The following MGRN1 variants were observed in gnomAD, a reference collection of about 807,000 sequenced individuals.
MGRN1 encodes E3 ubiquitin-protein ligase MGRN1.
A neutral mutation model predicts 69.2 loss-of-function variants in MGRN1; 29 were observed. That is an observed-to-expected ratio of 0.42 (90% confidence interval 0.31 to 0.57). The LOEUF (loss-of-function observed/expected upper bound fraction) is 0.57, where lower values mean the gene tolerates loss of function less well. Ranked by LOEUF, MGRN1 falls within the 20% of genes least tolerant of loss-of-function variation. The probability of loss-of-function intolerance (pLI) is 0.15; values close to 1 mark genes in which losing one functional copy is unlikely to be tolerated. For synonymous variants in MGRN1, 470 were observed against 344.2 expected (o/e 1.37, Z -4.04); for missense variants, 998 against 796.2 (o/e 1.25, Z -3.05).
chr16:4,661,030 G>A (rs1352383379), intron 5 of MGRN1, among the ~76,000 whole-genome samples: 1 of 152,124 alleles, frequency 6.6e-6, no homozygotes, highest in African/African-American at 2.4e-5. Flanking sequence ...CTCCCAGGCT[G>A]GAGTGCAGTG....
chr16:4,626,920 G>T (rs1164164187), intron 1 of MGRN1, among the ~76,000 whole-genome samples: 1 of 152,212 alleles, frequency 6.6e-6, no homozygotes, highest in Non-Finnish European at 1.5e-5. Flanking sequence ...CCAGTCCACA[G>T]GTCCTCTCCA....
intron 4 of MGRN1, among the ~76,000 whole-genome samples, chr16:4,656,526 G>A (rs2078541884): frequency 6.6e-6 from 1 of 152,246 alleles, no homozygotes; most frequent in Admixed American, 6.5e-5. Flanking sequence ...CTGGGAGCAG[G>A]CGTGAGGGTT....
At position 4,681,685 on chromosome 16, in the gene MGRN1, C is replaced by G. The variant is rs1212193279; in HGVS notation, c.1267C>G (p.Leu423Val). 1 of 1,613,460 alleles carries G rather than the reference C, an allele frequency of 6.2e-7. No homozygotes were observed. The highest frequency in any genetic ancestry group is 8.5e-7 in the Non-Finnish European group (1 of 1,180,012). The change falls in exon 13 of 17, where the codon CTG becomes GTG. Residue 423 changes from leucine to valine, a missense_variant. Transcript: ENST00000262370. ...EITYSGISDGLSQASCPLAAI... is the reference protein window; with the variant it reads ...EITYSGISDGVSQASCPLAAI... ...CACCTATTCAGGCATCTCGGACGGCCTGTCCCAGGCCAGCTGTCCCCTCGC... is the reference window on the plus strand; with the variant it reads ...CACCTATTCAGGCATCTCGGACGGCGTGTCCCAGGCCAGCTGTCCCCTCGC...
At chr16:4,650,196 G>C (rs549644628) in intron 1 of MGRN1, 169 bp from the exon 2 acceptor site, 9 of 530,650 alleles carry the variant, frequency 1.7e-5, no homozygotes, top group East Asian at 1.0e-4. Context: ...CCAGCTACTC[G>C]GGAGGCTGAG....
chr16:4,680,128 T>C (rs2079145793), intron 12 of MGRN1, 31 bp downstream of exon 12: 15 of 1,608,270 alleles, frequency 9.3e-6, no homozygotes, highest in Admixed American at 1.7e-5. Flanking sequence ...CTACGTTTTT[T>C]TGCCCCCGCC....
chr16:4,628,803 C>A (rs1197818256), intron 1 of MGRN1, among the ~76,000 whole-genome samples: 3 of 152,052 alleles, frequency 2.0e-5, no homozygotes, highest in African/African-American at 7.2e-5. Context: ...CCTTGGCCTC[C>A]CAAAGTGCTA....
chr16:4,657,198 G>A, intron 4 of MGRN1, 48 bp from the exon 5 acceptor site: 2 of 1,555,182 alleles, frequency 1.3e-6, no homozygotes, highest in Non-Finnish European at 1.8e-6. Context: ...GGGCACGGAG[G>A]GCCCTCTTCC....
intron 9 of MGRN1, among the ~76,000 whole-genome samples, chr16:4,673,070 C>T (rs1414027626): frequency 3.3e-5 from 5 of 152,076 alleles, no homozygotes; most frequent in African/African-American, 9.7e-5. Context: ...GATCTCCTGA[C>T]CTCGTGATCT....
intron 4 of MGRN1, 38 bp downstream of exon 4, chr16:4,652,862 G>T: frequency 6.4e-7 from 1 of 1,559,262 alleles, no homozygotes; most frequent in East Asian, 2.3e-5. Flanking sequence ...CCTGGCTGGG[G>T]GCCCCAGACT....
At chr16:4,645,793 C>T (rs984101562) in intron 1 of MGRN1, among the ~76,000 whole-genome samples, 3 of 152,124 alleles carry the variant, frequency 2.0e-5, no homozygotes, top group African/African-American at 4.8e-5. Flanking sequence ...GGACCTGCCC[C>T]AGTGTGGCTG....
In MGRN1 at chr16:4,671,359, G is replaced by A. The variant is rs562806785; in HGVS notation, c.727-32G>A. The A allele has an allele frequency of 6.5e-5, 104 of 1,611,312 alleles. 1 individual carries two copies. The South Asian group carries it at 8.1e-4, about 13-fold the overall frequency. On this transcript the variant is annotated intron_variant, in intron 8 of 16. Coordinates refer to ENST00000262370, the MANE Select transcript of MGRN1 (RefSeq NM_015246.4). ...GAGGAGCCCTCATATGGCAGTTGGC[G>A]AGGGCCCAGTGAGCCCCTCTCTGCT...
intron 8 of MGRN1, among the ~76,000 whole-genome samples, chr16:4,670,119 C>G (rs907345046): frequency 7.9e-5 from 12 of 152,248 alleles, no homozygotes; most frequent in Non-Finnish European, 1.5e-4. Flanking sequence ...GGCTGGAATG[C>G]AGTGGCGCGA....
Position 4,682,838 on chromosome 16 carries a change from G to A in MGRN1, c.1374G>A (p.Pro458=), listed in dbSNP as rs763587361. The A allele has an allele frequency of 3.8e-5, 61 of 1,595,026 alleles. No homozygotes were observed. The highest frequency in any genetic ancestry group is 4.9e-5 in the Non-Finnish European group (57 of 1,167,068). The change falls in exon 14 of 17, where the codon CCG becomes CCA. Residue 458 remains proline (P), a synonymous_variant. Coordinates refer to ENST00000262370, the MANE Select transcript of MGRN1 (RefSeq NM_015246.4). The stretch of plus-strand genomic sequence containing the variant: ...CTGTCCCCAGCACCCTACGGTCCCC[G>A]TCTTCCCCCATCCACGAAGAGGATG... ...SKAPDSTLRS[P]SSPIHEEDEE...
At chr16:4,629,199 G>T (rs1452256845) in intron 1 of MGRN1, among the ~76,000 whole-genome samples, 2 of 133,294 alleles carry the variant, frequency 1.5e-5, no homozygotes, top group African/African-American at 2.7e-5. Context: ...TGTGAAAAGT[G>T]TCTATTTGAG....
At chr16:4,628,403 A>T (rs1435385773) in intron 1 of MGRN1, among the ~76,000 whole-genome samples, 1 of 139,278 alleles carries the variant, frequency 7.2e-6, no homozygotes, top group East Asian at 2.1e-4. Context: ...AAAAAAAAAA[A>T]GGAGGGGACA....
intron 5 of MGRN1, chr16:4,664,320 G>A (rs2078750613): frequency 3.4e-6 from 1 of 292,018 alleles, no homozygotes; most frequent in African/African-American, 2.2e-5. Context: ...CAAATCCCTG[G>A]AGACAGGAAG....
At chr16:4,687,380 A>G (rs1274268592) in intron 16 of MGRN1, 2 of 924,358 alleles carry the variant, frequency 2.2e-6, no homozygotes, top group African/African-American at 3.6e-5. Flanking sequence ...CCCCCTCTCT[A>G]TGAAAAATAA....
chr16:4,680,462 C>G lies in MGRN1; in HGVS notation c.1131+365C>G, dbSNP rs369982101. Reference sequence around the variant, plus strand: ...CCGCGCATGCTTCTTGGCCCCGTGTCCCGCTCCTTTACCCTGCGGGTTCGA... The same window carrying G: ...CCGCGCATGCTTCTTGGCCCCGTGTGCCGCTCCTTTACCCTGCGGGTTCGA... On this transcript the variant is annotated intron_variant, in intron 12 of 16. Coordinates refer to ENST00000262370, the MANE Select transcript of MGRN1 (RefSeq NM_015246.4). 294 of 249,638 alleles carry G rather than the reference C, an allele frequency of 1.2e-3. 3 individuals are homozygous for G. Among genetic ancestry groups the G allele is most frequent in the African/African-American group, 6.6e-3 (287 of 43,608 alleles). The allele number at this position is 249,638 out of a possible 1,614,324, so 15.5% of individuals were successfully genotyped here.
At position 4,681,585 on chromosome 16, in the gene MGRN1, C is replaced by T; in HGVS notation, c.1167C>T (p.Ile389=). The T allele has an allele frequency of 6.2e-7, 1 of 1,613,510 alleles. No homozygotes were observed. Among genetic ancestry groups the T allele is most frequent in the African/African-American group, 1.3e-5 (1 of 75,086 alleles). ...GCGTCCCACCTGGCTACGAGCCCATCTCGCTGCTCGAGGCGCTCAACGGCC... is the reference window on the plus strand; with the variant it reads ...GCGTCCCACCTGGCTACGAGCCCATTTCGCTGCTCGAGGCGCTCAACGGCC... ...SDSVPPGYEP[I]SLLEALNGLR... The change falls in exon 13 of 17, where the codon ATC becomes ATT. Residue 389 remains isoleucine (I), a synonymous_variant. Coordinates refer to ENST00000262370, the MANE Select transcript of MGRN1 (RefSeq NM_015246.4).
Sources: allele counts gnomAD v4.1 joint callset (sites outside exome capture counted in the v4.1 genomes callset), GRCh38; gene constraint gnomAD v4.1.1; transcripts MANE v1.5; gene names NCBI Gene and HGNC (gene_info 2026-07-23, HGNC 2026-07-21).